MTUS2: variants seen among roughly 807,000 people sequenced by gnomAD.
MTUS2 encodes microtubule associated scaffold protein 2.
Under a neutral mutation model 114.1 loss-of-function variants are expected in MTUS2, and 40 were observed. The observed-to-expected ratio is 0.35, with a 90% CI of 0.27 to 0.46. The LOEUF (loss-of-function observed/expected upper bound fraction) is 0.46. Among genes scored for constraint, MTUS2 ranks in the 20% least tolerant of loss-of-function variants. MTUS2 has a pLI of 1.00. For synonymous variants in MTUS2, 688 were observed against 672.0 expected (o/e 1.02, Z -0.37); for missense variants, 1,679 against 1,705.4 (o/e 0.98, Z 0.27).
intron 5 of MTUS2, among the ~76,000 whole-genome samples, chr13:29,133,769 A>C (rs1167197493): frequency 6.6e-6 from 1 of 152,170 alleles, no homozygotes; most frequent in African/African-American, 2.4e-5. Flanking sequence ...GTAAGTCTTG[A>C]AATTAGGAAG....
chr13:29,200,693 T>C (rs1894916616), intron 5 of MTUS2, among the ~76,000 whole-genome samples: 1 of 152,008 alleles, frequency 6.6e-6, no homozygotes, highest in African/African-American at 2.4e-5. Context: ...GTTAATTTTG[T>C]ATTTTTAGTA....
chr13:29,025,277 G>A lies in MTUS2; in HGVS notation c.579G>A (p.Gln193=), dbSNP rs371809914. Reference sequence around the variant, plus strand: ...CTGCAGTCGGGAGCCTGACTCCGCAGCATCCACAGCCTCTATCCCTCGACT... The same window carrying A: ...CTGCAGTCGGGAGCCTGACTCCGCAACATCCACAGCCTCTATCCCTCGACT... The part of the protein sequence containing the change: ...SVAAVGSLTP[Q]HPQPLSLDSR... Residue 193 remains glutamine, a synonymous_variant, in exon 3 of 16, where the codon CAG becomes CAA. Transcript: ENST00000612955. 17 of 1,613,860 alleles carry A rather than the reference G, an allele frequency of 1.1e-5. No homozygotes were observed. Among genetic ancestry groups the A allele is most frequent in the Non-Finnish European group, 1.4e-5 (16 of 1,179,902 alleles).
chr13:28,847,440 C>T (rs1320259432), intron 2 of MTUS2, among the ~76,000 whole-genome samples: 1 of 152,024 alleles, frequency 6.6e-6, no homozygotes, highest in African/African-American at 2.4e-5. Context: ...GCAAGAGGAT[C>T]TCTAGAAATG....
Position 29,017,557 on chromosome 13 carries a change from T to G in MTUS2, c.-242-6900T>G, listed in dbSNP as rs1886118111. 2.0e-5 allele frequency among the ~76,000 whole-genome samples: 3 copies of G among 152,204 alleles called. No homozygotes were observed. In the South Asian group the frequency reaches 6.2e-4, roughly 31 times the overall value. On this transcript the variant is annotated intron_variant, in intron 2 of 15. Coordinates refer to ENST00000612955, the MANE Select transcript of MTUS2 (RefSeq NM_001033602.4). ...TCAGTTTATTTTCAAAGTAAAGTAT[T>G]ATGACAAATACAAATCAAACTGATG...
At chr13:29,081,327 A>G (rs1452350099) in intron 4 of MTUS2, among the ~76,000 whole-genome samples, 1 of 152,146 alleles carries the variant, frequency 6.6e-6, no homozygotes, top group Non-Finnish European at 1.5e-5. Flanking sequence ...AACATCAAAC[A>G]CAGGAGTCTT....
intron 9 of MTUS2, among the ~76,000 whole-genome samples, chr13:29,464,167 G>A (rs780734033): frequency 3.9e-5 from 6 of 152,220 alleles, no homozygotes; most frequent in Non-Finnish European, 8.8e-5. Context: ...CAAGGAGGCT[G>A]GGAACAGGTG....
At chr13:28,983,965 CTG>C (rs1884468623) in intron 2 of MTUS2, among the ~76,000 whole-genome samples, 1 of 152,264 alleles carries the variant, frequency 6.6e-6, no homozygotes, top group Admixed American at 6.5e-5. Context: ...TCTGGATTCT[CTG>C]TCTCTCCACT....
intron 4 of MTUS2, among the ~76,000 whole-genome samples, chr13:29,091,619 C>A (rs552303781): frequency 6.6e-6 from 1 of 152,276 alleles, no homozygotes; most frequent in African/African-American, 2.4e-5. Flanking sequence ...CTAGTTGAGA[C>A]ACATAACCAG....
At chr13:29,326,076 C>A (rs1313741473) in intron 7 of MTUS2, among the ~76,000 whole-genome samples, 1 of 152,078 alleles carries the variant, frequency 6.6e-6, no homozygotes, top group African/African-American at 2.4e-5. Context: ...ATCTGAGGAC[C>A]CTGCATAAAT....
chr13:29,295,121 CTT>C (rs574096841), intron 6 of MTUS2, among the ~76,000 whole-genome samples: 2 of 143,682 alleles, frequency 1.4e-5, no homozygotes, highest in Non-Finnish European at 1.5e-5. Flanking sequence ...TGGCTGTTGC[CTT>C]TTTTTTTTTT....
intron 5 of MTUS2, among the ~76,000 whole-genome samples, chr13:29,167,534 G>A (rs1053840760): frequency 4.0e-5 from 6 of 151,374 alleles, no homozygotes; most frequent in Non-Finnish European, 7.4e-5. Context: ...CATCTTGAAC[G>A]GCTTCTAAAT....
At chr13:29,328,176 G>A (rs1177175554) in intron 7 of MTUS2, among the ~76,000 whole-genome samples, 1 of 142,052 alleles carries the variant, frequency 7.0e-6, no homozygotes, top group East Asian at 2.1e-4. Flanking sequence ...TACAAAAATA[G>A]TATTCATTTT....
chr13:29,325,494 G>A lies in MTUS2; in HGVS notation c.2905+783G>A, dbSNP rs1900457149. ...AAGAAAAGAAGAAGAGGAAGAGGGA[G>A]GAGGAGGAGGAGGAGAAGGAGGAGG... On this transcript the variant is annotated intron_variant, in intron 7 of 15. Transcript: ENST00000612955. 5.3e-4 allele frequency among the ~76,000 whole-genome samples: 11 copies of A among 20,666 alleles called. No homozygotes were observed. In the South Asian group the frequency reaches 0.027, roughly 50 times the overall value. The allele number at this position is 20,666 out of a possible 152,430, so 13.6% of individuals were successfully genotyped here. A position where few individuals can be genotyped will look rare whatever the true frequency, so the allele number is the denominator to read the frequency against.
At chr13:28,822,451 G>T (rs1000943260) in intron 1 of MTUS2, among the ~76,000 whole-genome samples, 2 of 152,236 alleles carry the variant, frequency 1.3e-5, no homozygotes, top group East Asian at 3.8e-4. Context: ...AGAGAGGTAA[G>T]AATAGCATCT....
At chr13:29,064,381 C>T (rs1888559626) in intron 4 of MTUS2, among the ~76,000 whole-genome samples, 2 of 118,326 alleles carry the variant, frequency 1.7e-5, no homozygotes, top group Admixed American at 1.0e-4. Flanking sequence ...CGCCAGTCTA[C>T]GTTTGGAGGT....
At chr13:29,253,091 TC>T (rs1897180344) in intron 5 of MTUS2, among the ~76,000 whole-genome samples, 1 of 151,128 alleles carries the variant, frequency 6.6e-6, no homozygotes. Context: ...TTTTTTTTTT[TC>T]TTCTCAGGGC....
At chr13:28,961,680 T>C (rs1433094176) in intron 2 of MTUS2, among the ~76,000 whole-genome samples, 1 of 152,200 alleles carries the variant, frequency 6.6e-6, no homozygotes, top group Non-Finnish European at 1.5e-5. Context: ...TCATGTGTTT[T>C]ATATCCAGTC....
rs372596959 is a variant in MTUS2 at position 29,162,853 on chromosome 13, C to G, written c.2644+61883C>G. On this transcript the variant is annotated intron_variant, in intron 5 of 15. Coordinates refer to ENST00000612955, the MANE Select transcript of MTUS2 (RefSeq NM_001033602.4). The stretch of plus-strand genomic sequence containing the variant: ...CTGAGAATCTAGGACTTCGTATGCC[C>G]GAGACTTGCTGCTGCTCATTGGTGC... Among the ~76,000 whole-genome samples the G allele has an allele frequency of 2.0e-5, 3 of 152,302 alleles. No homozygotes were observed. The East Asian group carries it at 5.8e-4, about 29-fold the overall frequency.
At chr13:29,067,645 G>A (rs117820997) in intron 4 of MTUS2, among the ~76,000 whole-genome samples, 226 of 152,292 alleles carry the variant, frequency 1.5e-3, no homozygotes, top group South Asian at 5.2e-3. Context: ...AAAGAGCCAC[G>A]GGTGCTGACT....
Sources: allele counts gnomAD v4.1 joint callset (sites outside exome capture counted in the v4.1 genomes callset), GRCh38; gene constraint gnomAD v4.1.1; transcripts MANE v1.5; gene names NCBI Gene and HGNC (gene_info 2026-07-23, HGNC 2026-07-21).